The following TESPA1 variants were observed in gnomAD, a reference collection of about 807,000 sequenced individuals.
The protein encoded by TESPA1 is protein TESPA1.
Under a neutral mutation model 57.9 loss-of-function variants are expected in TESPA1, and 33 were observed. The ratio of observed to expected loss-of-function variants is 0.57; its 90% confidence interval spans 0.43 to 0.76. The LOEUF (loss-of-function observed/expected upper bound fraction) is 0.76, where lower values mean the gene tolerates loss of function less well. Among genes scored for constraint, TESPA1 ranks in the 30% least tolerant of loss-of-function variants. TESPA1 has a pLI of 0.00. For missense variants in TESPA1, 618 were observed against 632.9 expected, an observed-to-expected ratio of 0.98 and a Z score of 0.25; for synonymous variants, 227 against 228.9, an observed-to-expected ratio of 0.99 and a Z score of 0.07.
At chr12:54,967,142 C>A in intron 5 of TESPA1, 41 bp downstream of exon 5, 1 of 1,608,680 alleles carries the variant, frequency 6.2e-7, no homozygotes, top group South Asian at 1.1e-5. Context: ...CAATGTATAT[C>A]CTGTTTTCTC....
intron 10 of TESPA1, among the ~76,000 whole-genome samples, chr12:54,956,411 T>C (rs1367873978): frequency 6.6e-6 from 1 of 152,054 alleles, no homozygotes; most frequent in African/African-American, 2.4e-5. Context: ...GACAAAAAAA[T>C]AAAAACTTTC....
rs1181424097 is a variant in TESPA1, at chr12:54,973,498, T to G, written c.185A>C (p.Glu62Ala). 3 of 1,614,014 alleles carry G rather than the reference T, an allele frequency of 1.9e-6. No individual in the cohort carries two copies. Among genetic ancestry groups the G allele is most frequent in the Non-Finnish European group, 2.5e-6 (3 of 1,179,882 alleles). ...FQEGNPINKI[E>A]DWLQDCGYSE... ...TTACCCGCAATCCTGCAGCCAGTCT[T>G]CAATTTTATTGATTGGATTCCCTAG... Residue 62 changes from glutamate (E) to alanine (A), a missense_variant, in exon 3 of 11, where the codon GAA becomes GCA. Around this residue, in one of 3 missense-constraint regions of TESPA1, gnomAD observed 199 missense variants for 184.0 expected, o/e 1.08. Transcript: ENST00000449076.
Position 54,974,569 on chromosome 12 carries a change from G to A in TESPA1, c.-7C>T. 1 of 1,563,424 alleles carries A rather than the reference G, an allele frequency of 6.4e-7. No individual in the cohort carries two copies. Among genetic ancestry groups the A allele is most frequent in the Admixed American group, 1.9e-5 (1 of 52,340 alleles). ...TCAGCACAGAGGCCTCCATGGCCCT[G>A]GCTCAGACTTCAGGGCCTCCCGTAA... is the stretch of plus-strand genomic sequence containing the variant. On this transcript the variant is annotated 5_prime_UTR_variant, in exon 2 of 11. Coordinates refer to ENST00000449076, the MANE Select transcript of TESPA1 (RefSeq NM_001136030.3).
At chr12:54,977,797 A>G (rs1186568857) in intron 1 of TESPA1, among the ~76,000 whole-genome samples, 1 of 152,226 alleles carries the variant, frequency 6.6e-6, no homozygotes, top group Non-Finnish European at 1.5e-5. Context: ...ATCTAAGCTA[A>G]TCTTCACAAC....
intron 1 of TESPA1, among the ~76,000 whole-genome samples, chr12:54,976,210 G>C (rs1952129901): frequency 2.0e-5 from 3 of 152,138 alleles, no homozygotes; most frequent in African/African-American, 7.2e-5. Context: ...TACTGACTTG[G>C]AAGACTTACC....
intron 3 of TESPA1, among the ~76,000 whole-genome samples, chr12:54,969,021 G>GTGTGTGTATATATA (rs370590552): frequency 2.3e-4 from 19 of 83,672 alleles, no homozygotes; most frequent in East Asian, 2.5e-3. Context: ...ATTTATATAT[G>GTGTGTGTATATATA]TATATATATA....
At chr12:54,967,107 A>T in intron 5 of TESPA1, 76 bp downstream of exon 5, 1 of 1,539,954 alleles carries the variant, frequency 6.5e-7, no homozygotes, top group East Asian at 2.3e-5. Context: ...GAAGTTTTGC[A>T]CTTCCATCCT....
At chr12:54,953,804 G>C (rs1379215251) in intron 10 of TESPA1, among the ~76,000 whole-genome samples, 1 of 152,178 alleles carries the variant, frequency 6.6e-6, no homozygotes, top group East Asian at 1.9e-4. Flanking sequence ...ACAGGCGTGA[G>C]CCACCGTGCC....
intron 10 of TESPA1, among the ~76,000 whole-genome samples, chr12:54,954,808 GT>G (rs1363200024): frequency 6.6e-6 from 1 of 152,118 alleles, no homozygotes; most frequent in Non-Finnish European, 1.5e-5. Flanking sequence ...GTATATATAT[GT>G]CTCATTTTCT....
rs1952034847 is a variant in TESPA1 at position 54,974,434 on chromosome 12, A to G, written c.129T>C (p.Pro43=). The stretch of plus-strand genomic sequence containing the variant: ...AAACGTCATCCAGGCTGGAAGGCTC[A>G]GGATCTGGGACATCCTGCAGGGCGG... ...AAAALQDVPD[P]EPSSLDDVFQ... is the part of the protein sequence containing the mutation. The change falls in exon 2 of 11, where the codon CCT becomes CCC. Residue 43 remains proline (P), a synonymous_variant. Transcript: ENST00000449076. The G allele has an allele frequency of 1.2e-6, 2 of 1,609,906 alleles. No individual in the cohort carries two copies. Among genetic ancestry groups the G allele is most frequent in the East Asian group, 4.5e-5 (2 of 44,754 alleles).
chr12:54,957,379 A>C (rs1445074308), intron 10 of TESPA1, among the ~76,000 whole-genome samples: 1 of 152,230 alleles, frequency 6.6e-6, no homozygotes, highest in East Asian at 1.9e-4. Context: ...ACAGACTCTG[A>C]AAAAGGCAGA....
At position 54,961,249 on chromosome 12, in the gene TESPA1, C is replaced by A. The variant is rs997173; in HGVS notation, c.1486G>T (p.Glu496Ter). 6.2e-7 allele frequency: 1 copy of A among 1,613,684 alleles called. No individual in the cohort carries two copies. The highest frequency in any genetic ancestry group is 2.2e-5 in the East Asian group (1 of 44,852). ...DLEEVQSNSE[E>*]EQSQSRWPSR... ...GGCCAGCGACTCTGACTCTGCTCCT[C>A]CTCACTGTTGCTTTGCACCTGTAAC... The change falls in exon 10 of 11, where the codon GAG becomes TAG. Residue 496 changes from glutamate (E) to a stop codon, truncating the protein, a stop_gained. Transcript: ENST00000449076. LOFTEE classifies it high-confidence loss of function.
intron 2 of TESPA1, chr12:54,973,812 C>A (rs922042720): frequency 5.5e-5 from 64 of 1,166,812 alleles, no homozygotes; most frequent in Non-Finnish European, 6.1e-5. Flanking sequence ...GTGGATCCTT[C>A]TCATTTAAAA....
chr12:54,973,116 G>C (rs1478086402), intron 3 of TESPA1, among the ~76,000 whole-genome samples: 2 of 152,156 alleles, frequency 1.3e-5, no homozygotes, highest in Non-Finnish European at 2.9e-5. Flanking sequence ...GAATGATCAG[G>C]TTTCCAATTC....
chr12:54,961,055 T>A (rs1758662662), intron 10 of TESPA1, 113 bp downstream of exon 10: 3 of 1,231,328 alleles, frequency 2.4e-6, no homozygotes, highest in South Asian at 2.6e-5. Flanking sequence ...TCCAATTAAA[T>A]CAGAATTACA....
At chr12:54,962,353 G>C (rs1262404431) in intron 9 of TESPA1, 78 bp downstream of exon 9, 4 of 1,481,058 alleles carry the variant, frequency 2.7e-6, no homozygotes, top group Admixed American at 2.0e-5. Context: ...TTCCCCCAAG[G>C]GTTCTAACCC....
chr12:54,948,243 T>A lies in TESPA1; in HGVS notation c.*2149A>T, dbSNP rs10876661. ...AGGAATTTCACAAAGTAATGTCATC[T>A]GTTAAGGCAGCAACAGGCCATTTTC... On this transcript the variant is annotated 3_prime_UTR_variant, in exon 11 of 11. Transcript: ENST00000449076. 0.14 allele frequency: 22,249 copies of A among 158,884 alleles called. 2,668 individuals are homozygous for A. The highest frequency in any genetic ancestry group is 0.55 in the East Asian group (3,007 of 5,500). The allele number at this position is 158,884 out of a possible 1,614,324, so 9.8% of individuals were successfully genotyped here. A position where few individuals can be genotyped will look rare whatever the true frequency, so the allele number is the denominator to read the frequency against.
intron 4 of TESPA1, among the ~76,000 whole-genome samples, chr12:54,967,501 A>G (rs1951522754): frequency 6.6e-6 from 1 of 151,962 alleles, no homozygotes; most frequent in Non-Finnish European, 1.5e-5. Context: ...TATGTACACA[A>G]TCCCCTGCCA....
At chr12:54,971,186 A>G (rs10747733) in intron 3 of TESPA1, among the ~76,000 whole-genome samples, 55,483 of 152,182 alleles carry the variant, frequency 0.36, 13,009 homozygotes, top group East Asian at 0.92. Flanking sequence ...GGAAAGAAAA[A>G]TGGAAACTAT....
Sources: gnomAD v4.1 joint callset for allele counts (sites outside exome capture counted in the v4.1 genomes callset) on GRCh38, gnomAD v4.1.1 for gene constraint, gnomAD v4.1.1 regional missense constraint, MANE v1.5 for transcripts, NCBI Gene and HGNC (gene_info 2026-07-23, HGNC 2026-07-21) for gene names.